The following SCHIP1 variants were observed in gnomAD, a reference collection of about 807,000 sequenced individuals.
The protein encoded by SCHIP1 is schwannomin-interacting protein 1.
A neutral mutation model predicts 29.7 loss-of-function variants in SCHIP1; 8 were observed. The ratio of observed to expected loss-of-function variants is 0.27; its 90% CI spans 0.16 to 0.49. The LOEUF (loss-of-function observed/expected upper bound fraction) is 0.49, where lower values mean the gene tolerates loss of function less well. Among genes scored for constraint, SCHIP1 ranks in the 20% least tolerant of loss-of-function variants. SCHIP1 has a pLI of 0.99. For missense variants in SCHIP1, 193 were observed against 294.6 expected (o/e 0.66, Z 2.52); for synonymous variants, 76 against 94.9 (o/e 0.80, Z 1.16).
chr3:159,426,869 G>C, the SCHIP1 span, among the ~76,000 whole-genome samples: 1 of 152,120 alleles, frequency 6.6e-6, no homozygotes, highest in African/African-American at 2.4e-5. Context: ...GGGATGCAAG[G>C]CTGGATCAAT....
At chr3:159,355,253 G>A in the SCHIP1 span, among the ~76,000 whole-genome samples, 1 of 151,974 alleles carries the variant, frequency 6.6e-6, no homozygotes, top group African/African-American at 2.4e-5. Flanking sequence ...TACCAAAAAA[G>A]AGTTTAAAGA....
chr3:159,795,696 A>G, the SCHIP1 span, among the ~76,000 whole-genome samples: 2 of 152,150 alleles, frequency 1.3e-5, no homozygotes, highest in Non-Finnish European at 2.9e-5. Context: ...GAGAATCTTG[A>G]GCTGGGTCCT....
At chr3:159,311,504 C>T in the SCHIP1 span, among the ~76,000 whole-genome samples, 14 of 151,980 alleles carry the variant, frequency 9.2e-5, no homozygotes, top group Middle Eastern at 3.2e-3. Context: ...TTTCTTTATT[C>T]AGAATGATTA....
the SCHIP1 span, among the ~76,000 whole-genome samples, chr3:159,527,588 T>C: frequency 2.6e-5 from 4 of 152,254 alleles, no homozygotes; most frequent in African/African-American, 9.6e-5. Context: ...TTTATAAGAC[T>C]ATTAGAAGCT....
the SCHIP1 span, among the ~76,000 whole-genome samples, chr3:159,465,387 AAGAG>A: frequency 6.7e-6 from 1 of 150,138 alleles, no homozygotes; most frequent in Non-Finnish European, 1.5e-5. Context: ...AAGAGAGAGA[AAGAG>A]AGACCATTTA....
chr3:159,545,447 C>G, the SCHIP1 span, among the ~76,000 whole-genome samples: 1 of 151,912 alleles, frequency 6.6e-6, no homozygotes, highest in African/African-American at 2.4e-5. Context: ...GCTTCCTGCC[C>G]TCAAACATCA....
the SCHIP1 span, among the ~76,000 whole-genome samples, chr3:159,461,407 G>A: frequency 6.6e-5 from 10 of 152,032 alleles, no homozygotes; most frequent in African/African-American, 2.4e-4. Flanking sequence ...CCCTCATGCT[G>A]TGGAATACAC....
rs1714010405 is a variant in SCHIP1, at chr3:159,861,081, TTTG to T, written c.31-5079_31-5077del. On this transcript the variant is annotated intron_variant, in intron 1 of 6. Coordinates refer to ENST00000445224, the Ensembl canonical transcript of SCHIP1. The surrounding 1 kb of genome is among the most constrained non-coding windows in gnomAD (Gnocchi z 4.1). Reference sequence around the variant, plus strand: ...CCAGATTTTCCCACAAAAAATATAGTTTGTTAATTAAATAGATTTTGAAAATGC... The same window carrying T: ...CCAGATTTTCCCACAAAAAATATAGTTTAATTAAATAGATTTTGAAAATGC... 6.6e-6 allele frequency among the ~76,000 whole-genome samples: 1 copy of T among 152,148 alleles called. No homozygotes were observed.
the SCHIP1 span, among the ~76,000 whole-genome samples, chr3:159,691,189 GT>G: frequency 1.3e-5 from 2 of 152,132 alleles, no homozygotes; most frequent in African/African-American, 4.8e-5. Flanking sequence ...ACAGTGGAGT[GT>G]TAAAGTCTCC....
the SCHIP1 span, among the ~76,000 whole-genome samples, chr3:159,396,544 T>G: frequency 6.7e-6 from 1 of 148,784 alleles, no homozygotes. Context: ...AGCATTTGCT[T>G]GTCTGTAAAG....
At chr3:159,747,531 G>A in the SCHIP1 span, among the ~76,000 whole-genome samples, 951 of 152,272 alleles carry the variant, frequency 6.2e-3, 5 homozygotes, top group African/African-American at 0.022. Flanking sequence ...ACAAATATAG[G>A]TAGGGCCAAG....
the SCHIP1 span, among the ~76,000 whole-genome samples, chr3:159,304,622 T>G: frequency 6.6e-6 from 1 of 152,212 alleles, no homozygotes; most frequent in Non-Finnish European, 1.5e-5. Flanking sequence ...TCCAAGTGTG[T>G]GTTGTCTCCT....
At chr3:159,817,006 TATG>T in the SCHIP1 span, among the ~76,000 whole-genome samples, 1 of 152,168 alleles carries the variant, frequency 6.6e-6, no homozygotes, top group African/African-American at 2.4e-5. Context: ...ATAATATAAA[TATG>T]ATATATAGTA....
chr3:159,280,766 G>T, the SCHIP1 span, among the ~76,000 whole-genome samples: 1 of 152,186 alleles, frequency 6.6e-6, no homozygotes, highest in Non-Finnish European at 1.5e-5. Flanking sequence ...GCTAAAAGCT[G>T]TGTTTTTCTG....
At chr3:159,884,029 C>A (rs140002614) in intron 2 of SCHIP1, among the ~76,000 whole-genome samples, 7 of 152,044 alleles carry the variant, frequency 4.6e-5, no homozygotes, top group African/African-American at 1.4e-4. Context: ...TTTTGTATTG[C>A]GGGTTATTTT....
chr3:159,789,848 T>C, the SCHIP1 span, among the ~76,000 whole-genome samples: 10 of 152,234 alleles, frequency 6.6e-5, no homozygotes, highest in African/African-American at 2.4e-4. Context: ...TTTATTGATT[T>C]ATGATAAGCA....
At chr3:159,704,859 TCC>T in the SCHIP1 span, among the ~76,000 whole-genome samples, 11 of 148,730 alleles carry the variant, frequency 7.4e-5, no homozygotes, top group Non-Finnish European at 1.6e-4. Context: ...ATTCCTTCCT[TCC>T]TTTTTTCTTT....
chr3:159,574,805 A>T, the SCHIP1 span, among the ~76,000 whole-genome samples: 1 of 152,320 alleles, frequency 6.6e-6, no homozygotes, highest in Non-Finnish European at 1.5e-5. Context: ...TACCTACTAA[A>T]GCCCCAGCAA....
chr3:159,487,992 T>A, the SCHIP1 span, among the ~76,000 whole-genome samples: 1 of 152,188 alleles, frequency 6.6e-6, no homozygotes, highest in Non-Finnish European at 1.5e-5. Context: ...TGAGTCACAG[T>A]TTTCCTGGGG....
Sources: gnomAD v4.1 joint callset for allele counts (sites outside exome capture counted in the v4.1 genomes callset) on GRCh38, gnomAD v4.1.1 for gene constraint, Gnocchi (gnomAD v3.1) non-coding constraint, MANE v1.5 for transcripts, NCBI Gene and HGNC (gene_info 2026-07-23, HGNC 2026-07-21) for gene names.